The following MLANA variants were observed in gnomAD, a reference collection of about 807,000 sequenced individuals.
MLANA encodes melan-A, also known as melanoma antigen recognized by T-cells 1.
A neutral mutation model predicts 15.7 loss-of-function variants in MLANA; 21 were observed. The observed-to-expected ratio is 1.33, with a 90% confidence interval of 0.95 to 1.92. MLANA has a LOEUF of 1.92. MLANA is among the 40% of genes most tolerant of loss of function. MLANA has a pLI of 0.00. For missense variants in MLANA, 164 were observed against 143.8 expected, an observed-to-expected ratio of 1.14 and a Z score of -0.72; for synonymous variants, 56 against 51.5, an observed-to-expected ratio of 1.09 and a Z score of -0.37.
chr9:5,891,938 C>T (rs898389350), intron 1 of MLANA, among the ~76,000 whole-genome samples: 3 of 152,158 alleles, frequency 2.0e-5, no homozygotes, highest in African/African-American at 4.8e-5. Context: ...CATGCACCCT[C>T]GCGAGGCACA....
chr9:5,897,456 G>C (rs1832105010), intron 2 of MLANA, 101 bp from the exon 3 acceptor site: 1 of 1,058,828 alleles, frequency 9.4e-7, no homozygotes, highest in Non-Finnish European at 1.5e-6. Flanking sequence ...TGCTGCTCTG[G>C]GTCGTCAAAG....
At chr9:5,896,333 T>C (rs1030518898) in intron 2 of MLANA, among the ~76,000 whole-genome samples, 1 of 152,230 alleles carries the variant, frequency 6.6e-6, no homozygotes, top group Non-Finnish European at 1.5e-5. Flanking sequence ...TATGGTAATG[T>C]TGATGAATCT....
chr9:5,905,885 G>C (rs1055643380), intron 3 of MLANA, among the ~76,000 whole-genome samples: 1 of 152,070 alleles, frequency 6.6e-6, no homozygotes, highest in African/African-American at 2.4e-5. Flanking sequence ...CATTCATATC[G>C]GCACAGAATA....
rs1417993563 is a variant in MLANA at position 5,894,577 on chromosome 9, CA to C, written c.77+2029del. On this transcript the variant is annotated intron_variant, in intron 2 of 4. Coordinates refer to ENST00000381477, the MANE Select transcript of MLANA (RefSeq NM_005511.2). This position sits in a 1 kb window ranked among gnomAD's most constrained non-coding sequence, Gnocchi z 4.0. The stretch of plus-strand genomic sequence containing the variant: ...GAGCTTAGAAGTGAGGGGCATGAAT[CA>C]AATACTCAGGCCTCTGAGGTCAGCC... 6.6e-6 allele frequency among the ~76,000 whole-genome samples: 1 copy of C among 152,150 alleles called. No homozygotes were observed. Among genetic ancestry groups the C allele is most frequent in the African/African-American group, 2.4e-5 (1 of 41,426 alleles).
At chr9:5,907,630 T>G (rs1311171611) in intron 4 of MLANA, among the ~76,000 whole-genome samples, 1 of 152,254 alleles carries the variant, frequency 6.6e-6, no homozygotes, top group Non-Finnish European at 1.5e-5. Flanking sequence ...TACATGTTTC[T>G]TCTTTTAAAT....
At chr9:5,899,433 C>A (rs1346445525) in intron 3 of MLANA, among the ~76,000 whole-genome samples, 1 of 152,134 alleles carries the variant, frequency 6.6e-6, no homozygotes, top group Non-Finnish European at 1.5e-5. Flanking sequence ...AAATACAAAC[C>A]ATCAAAGGCA....
chr9:5,892,634 C>A, intron 2 of MLANA, 83 bp downstream of exon 2: 1 of 1,057,960 alleles, frequency 9.5e-7, no homozygotes, highest in Non-Finnish European at 1.4e-6. Flanking sequence ...TACATGCCTG[C>A]TCGTAAATCT....
chr9:5,904,693 C>T (rs891435615), intron 3 of MLANA, among the ~76,000 whole-genome samples: 12 of 151,722 alleles, frequency 7.9e-5, no homozygotes, highest in Non-Finnish European at 1.3e-4. Context: ...GGCTGGAACT[C>T]GACCTCAAGT....
At chr9:5,890,957 CCATAAT>C (rs1831622146) in intron 1 of MLANA, 21 bp downstream of exon 1, 1 of 152,168 alleles carries the variant, frequency 6.6e-6, no homozygotes, top group African/African-American at 2.4e-5. Flanking sequence ...TGCCTTCTCG[CCATAAT>C]CATAGTCCTC....
intron 3 of MLANA, among the ~76,000 whole-genome samples, chr9:5,904,604 C>G (rs117149936): frequency 6.6e-6 from 1 of 152,058 alleles, no homozygotes; most frequent in East Asian, 1.9e-4. Flanking sequence ...TCCTGAGTAG[C>G]TGAGATTAAA....
At chr9:5,901,968 G>C (rs1297267186) in intron 3 of MLANA, among the ~76,000 whole-genome samples, 1 of 152,136 alleles carries the variant, frequency 6.6e-6, no homozygotes, top group Admixed American at 6.5e-5. Context: ...ATATTGAGCT[G>C]TAGTTTTCTC....
In MLANA at chr9:5,908,823, C is replaced by A; in HGVS notation, c.*115C>A. On this transcript the variant is annotated 3_prime_UTR_variant, in exon 5 of 5. Transcript: ENST00000381477. The stretch of plus-strand genomic sequence containing the variant: ...ATGGTGTAGGAAAAATGCAAGCCAT[C>A]TCTAATAATAAGTCAGTGTTAAAAT... 1 of 953,556 alleles carries A rather than the reference C, an allele frequency of 1.0e-6. No homozygotes were observed. Among genetic ancestry groups the A allele is most frequent in the Non-Finnish European group, 1.6e-6 (1 of 609,894 alleles). The allele number at this position is 953,556 out of a possible 1,614,324, so 59.1% of individuals were successfully genotyped here.
At position 5,894,972 on chromosome 9, in the gene MLANA, A is replaced by G. The variant is rs909109288; in HGVS notation, c.77+2421A>G. Among the ~76,000 whole-genome samples, 1 of 152,208 alleles carries G rather than the reference A, an allele frequency of 6.6e-6. No individual in the cohort carries two copies. Among genetic ancestry groups the G allele is most frequent in the Non-Finnish European group, 1.5e-5 (1 of 68,040 alleles). On this transcript the variant is annotated intron_variant, in intron 2 of 4. Coordinates refer to ENST00000381477, the MANE Select transcript of MLANA (RefSeq NM_005511.2). The surrounding 1 kb of genome is among the most constrained non-coding windows in gnomAD (Gnocchi z 4.0). The stretch of plus-strand genomic sequence containing the variant: ...AGGCACAAGCTTTCTGTGTCTTGCA[A>G]CCTGAATGACGTGCATAAGCAGGGT...
At chr9:5,896,687 T>C (rs1054496070) in intron 2 of MLANA, among the ~76,000 whole-genome samples, 8 of 152,210 alleles carry the variant, frequency 5.3e-5, no homozygotes, top group Non-Finnish European at 8.8e-5. Flanking sequence ...TGTTAGCTAA[T>C]TGATGATGCT....
intron 2 of MLANA, among the ~76,000 whole-genome samples, chr9:5,896,834 T>A (rs1832059322): frequency 1.3e-5 from 2 of 152,130 alleles, no homozygotes; most frequent in African/African-American, 4.8e-5. Context: ...ACCCTGCTGC[T>A]TAGACAAGAT....
intron 2 of MLANA, among the ~76,000 whole-genome samples, chr9:5,895,566 T>C (rs1831958403): frequency 6.6e-6 from 1 of 152,212 alleles, no homozygotes; most frequent in Non-Finnish European, 1.5e-5. Flanking sequence ...ACTACATACC[T>C]GCTTTGGGTA....
rs1379723922 is a variant in MLANA, at chr9:5,908,942, T to C, written c.*234T>C. The C allele has an allele frequency of 4.0e-6, 2 of 501,540 alleles. No individual in the cohort carries two copies. The highest frequency in any genetic ancestry group is 3.5e-6 in the Non-Finnish European group (1 of 284,208). 31.1% of individuals were successfully genotyped at this position (501,540 alleles called of 1,614,324 possible). On this transcript the variant is annotated 3_prime_UTR_variant, in exon 5 of 5. Coordinates refer to ENST00000381477, the MANE Select transcript of MLANA (RefSeq NM_005511.2). ...CATCAATAAATGTTGCAATGCATGA[T>C]ACTATCTGTGCCAGAGGTAATGTTA...
intron 2 of MLANA, among the ~76,000 whole-genome samples, chr9:5,893,853 C>G (rs1831826343): frequency 6.6e-6 from 1 of 152,064 alleles, no homozygotes; most frequent in Admixed American, 6.5e-5. Flanking sequence ...GAAGGAGAGG[C>G]TAGGACCGTT....
chr9:5,895,695 G>C (rs1468349641), intron 2 of MLANA, among the ~76,000 whole-genome samples: 1 of 152,190 alleles, frequency 6.6e-6, no homozygotes, highest in African/African-American at 2.4e-5. Flanking sequence ...AGGCTGATTG[G>C]GTAGGCCAGG....
Sources: gnomAD v4.1 joint callset for allele counts (sites outside exome capture counted in the v4.1 genomes callset) on GRCh38, gnomAD v4.1.1 for gene constraint, Gnocchi (gnomAD v3.1) non-coding constraint, MANE v1.5 for transcripts, NCBI Gene and HGNC (gene_info 2026-07-23, HGNC 2026-07-21) for gene names.